Variants in RBFOX2 observed in about 807,000 individuals in gnomAD.
RBFOX2 encodes the protein RNA binding protein fox-1 homolog 2.
Under a neutral mutation model 49.1 loss-of-function variants are expected in RBFOX2, and 10 were observed. That is an observed-to-expected ratio of 0.20 (90% CI 0.13 to 0.35). RBFOX2 has a LOEUF of 0.35. Ranked by LOEUF, RBFOX2 falls within the 10% of genes least tolerant of loss-of-function variation. The probability of loss-of-function intolerance (pLI) is 1.00; values close to 1 mark genes in which losing one functional copy is unlikely to be tolerated. For synonymous variants in RBFOX2, 183 were observed against 187.4 expected, an observed-to-expected ratio of 0.98 and a Z score of 0.19; for missense variants, 323 against 486.9, an observed-to-expected ratio of 0.66 and a Z score of 3.17.
intron 1 of RBFOX2, among the ~76,000 whole-genome samples, chr22:35,956,514 A>C (rs1308961567): frequency 6.6e-6 from 1 of 152,086 alleles, no homozygotes; most frequent in Non-Finnish European, 1.5e-5. Flanking sequence ...GGCACATGCC[A>C]GCACACCCGG....
intron 1 of RBFOX2, among the ~76,000 whole-genome samples, chr22:35,919,909 C>T (rs911481992): frequency 6.6e-6 from 1 of 152,192 alleles, no homozygotes; most frequent in African/African-American, 2.4e-5. Context: ...AACGACTGGG[C>T]TATTAGTTTT....
intron 1 of RBFOX2, among the ~76,000 whole-genome samples, chr22:35,860,336 C>A (rs1168152310): frequency 6.6e-6 from 1 of 152,130 alleles, no homozygotes; most frequent in African/African-American, 2.4e-5. Context: ...TCCAGCTGAG[C>A]CCCCAGATCA....
chr22:35,939,452 CCCCT>C (rs2053474079), upstream of RBFOX2, among the ~76,000 whole-genome samples: 3 of 152,040 alleles, frequency 2.0e-5, no homozygotes, highest in South Asian at 6.2e-4. Context: ...TTTGTTTTAT[CCCCT>C]CAGTTCTTTG....
intron 1 of RBFOX2, among the ~76,000 whole-genome samples, chr22:35,880,143 A>T (rs2045693719): frequency 6.6e-6 from 1 of 151,754 alleles, no homozygotes; most frequent in Non-Finnish European, 1.5e-5. Flanking sequence ...CGACAGAGCG[A>T]GACTGAGGAA....
intron 6 of RBFOX2, among the ~76,000 whole-genome samples, 155 bp from the exon 8 acceptor site, chr22:35,761,623 A>G (rs1317608158): frequency 1.3e-5 from 2 of 152,142 alleles, no homozygotes; most frequent in Admixed American, 1.3e-4. Flanking sequence ...TGAGAGAGTA[A>G]CAGTAGTAGA....
At chr22:35,898,599 T>G (rs1339426377) in intron 1 of RBFOX2, among the ~76,000 whole-genome samples, 1 of 151,632 alleles carries the variant, frequency 6.6e-6, no homozygotes, top group Non-Finnish European at 1.5e-5. Flanking sequence ...CTAATTTTTT[T>G]GTATTTTTGG....
chr22:35,740,820 C>T (rs1929547758), exon 12 of RBFOX2: 1 of 152,174 alleles, frequency 6.6e-6, no homozygotes, highest in African/African-American at 2.4e-5. Context: ...AGCTATATAA[C>T]TAGTTACAGG....
chr22:35,861,258 T>C (rs1341402531), intron 1 of RBFOX2, among the ~76,000 whole-genome samples: 2 of 152,222 alleles, frequency 1.3e-5, no homozygotes, highest in Non-Finnish European at 2.9e-5. Context: ...GGCAAAGATT[T>C]CTAAGCTATA....
intron 9 of RBFOX2, 45 bp downstream of exon 11, chr22:35,756,060 C>T: frequency 3.1e-6 from 4 of 1,296,820 alleles, no homozygotes; most frequent in Non-Finnish European, 3.0e-6. Context: ...AAAAGGCTGG[C>T]TTGTCAGGGG....
intron 1 of RBFOX2, among the ~76,000 whole-genome samples, chr22:35,814,710 C>CAAA (rs55971445): frequency 1.9e-4 from 6 of 31,008 alleles, no homozygotes; most frequent in African/African-American, 5.7e-4. Context: ...AACCCTGTCT[C>CAAA]AAAAAAAAAA....
At position 35,857,674 on chromosome 22, in the gene RBFOX2, C is replaced by T. The variant is rs540525077; in HGVS notation, c.-33-47670G>A. Among the ~76,000 whole-genome samples the T allele has an allele frequency of 4.9e-4, 74 of 152,242 alleles. 1 individual carries two copies. Among genetic ancestry groups the T allele is most frequent in the South Asian group, 3.5e-3 (17 of 4,820 alleles). ...TTGAGATTCCTCTCCCACACTGATG[C>T]AGTCTGTAACATTTATTATACATCA... On this transcript the variant is annotated intron_variant, in intron 1 of 13. Coordinates refer to the RBFOX2 transcript ENST00000359369.
At position 35,811,850 on chromosome 22, in the gene RBFOX2, A is replaced by C. The variant is rs538951620; in HGVS notation, c.28-1846T>G. 2.6e-5 allele frequency among the ~76,000 whole-genome samples: 4 copies of C among 151,466 alleles called. No homozygotes were observed. The South Asian group carries it at 8.4e-4, about 32-fold the overall frequency. On this transcript the variant is annotated intron_variant, in intron 1 of 11. Transcript: ENST00000405409. ...CATGGTGGTATGTGTAGTCCCAGCT[A>C]CTTGTGAGGCTGAGAAAGGAGGACT...
At chr22:35,850,166 G>T (rs183285746) in intron 1 of RBFOX2, among the ~76,000 whole-genome samples, 7 of 147,534 alleles carry the variant, frequency 4.7e-5, no homozygotes, top group Admixed American at 2.1e-4. Context: ...CCGTGTGCAC[G>T]CATGCGCATT....
chr22:35,759,023 G>A lies in RBFOX2; in HGVS notation c.887+865C>T, dbSNP rs1444247830. On this transcript the variant is annotated intron_variant, in intron 9 of 11. Coordinates refer to ENST00000405409, the Ensembl canonical transcript of RBFOX2. This position sits in a 1 kb window ranked among gnomAD's most constrained non-coding sequence, Gnocchi z 4.6. ...TGACATTATCTGGCAGAGAAAAGGT[G>A]AAGAGAAATGTCACATCTTTGATGA... Among the ~76,000 whole-genome samples, 3 of 152,152 alleles carry A rather than the reference G, an allele frequency of 2.0e-5. No individual in the cohort carries two copies. Among genetic ancestry groups the A allele is most frequent in the Admixed American group, 6.5e-5 (1 of 15,270 alleles).
intron 2 of RBFOX2, among the ~76,000 whole-genome samples, chr22:35,805,151 G>A (rs1004660087): frequency 1.3e-4 from 19 of 151,936 alleles, no homozygotes; most frequent in African/African-American, 1.2e-4. Flanking sequence ...TTAGCCGGGC[G>A]TGGTGGCGGG....
intron 1 of RBFOX2, among the ~76,000 whole-genome samples, chr22:35,813,209 G>A (rs570200257): frequency 6.6e-6 from 1 of 152,260 alleles, no homozygotes; most frequent in South Asian, 2.1e-4. Context: ...CATATAGCAT[G>A]CAATGTCTGA....
intron 1 of RBFOX2, among the ~76,000 whole-genome samples, chr22:36,009,629 C>T (rs913650820): frequency 6.6e-6 from 1 of 152,052 alleles, no homozygotes; most frequent in Non-Finnish European, 1.5e-5. Flanking sequence ...GCTCAAGTGA[C>T]CCACCCGCCT....
At chr22:35,752,294 C>T (rs963375847) in intron 9 of RBFOX2, among the ~76,000 whole-genome samples, 9 of 152,078 alleles carry the variant, frequency 5.9e-5, no homozygotes, top group Non-Finnish European at 1.3e-4. Flanking sequence ...TATAAAAAAA[C>T]AGTTTAAATA....
chr22:35,780,233 A>C (rs1472814870), intron 3 of RBFOX2, among the ~76,000 whole-genome samples: 1 of 152,216 alleles, frequency 6.6e-6, no homozygotes, highest in African/African-American at 2.4e-5. Flanking sequence ...GTAGTCAGCT[A>C]TAAATGACAG....
Sources: allele counts gnomAD v4.1 joint callset (sites outside exome capture counted in the v4.1 genomes callset), GRCh38; gene constraint gnomAD v4.1.1; non-coding constraint Gnocchi (gnomAD v3.1); transcripts MANE v1.5; gene names NCBI Gene and HGNC (gene_info 2026-07-23, HGNC 2026-07-21).